BBS9: variants seen among roughly 807,000 people sequenced by gnomAD.
BBS9 encodes the protein Bardet-Biedl syndrome 9, also known as protein PTHB1.
BBS9 carries 89 observed loss-of-function variants against 117.7 expected under a neutral mutation model. The observed-to-expected ratio is 0.76, with a 90% CI of 0.64 to 0.90. The LOEUF is 0.90. Ranked by LOEUF, BBS9 falls within the 40% of genes least tolerant of loss-of-function variation. BBS9 has a pLI of 0.00. For synonymous variants in BBS9, 379 were observed against 370.9 expected (o/e 1.02, Z -0.25); for missense variants, 982 against 1,042.2 (o/e 0.94, Z 0.80).
chr7:33,302,720 C>G (rs1055975984), intron 9 of BBS9, among the ~76,000 whole-genome samples: 2 of 151,932 alleles, frequency 1.3e-5, no homozygotes, highest in Non-Finnish European at 2.9e-5. Context: ...GTGATTCTTT[C>G]AGTTTTGTTC....
chr7:33,378,301 G>A (rs573441858), intron 17 of BBS9, among the ~76,000 whole-genome samples: 40 of 152,290 alleles, frequency 2.6e-4, no homozygotes, highest in East Asian at 7.7e-4. Flanking sequence ...TATCTCCCTA[G>A]CACTTATCAC....
intron 19 of BBS9, among the ~76,000 whole-genome samples, chr7:33,490,439 T>G (rs1843737177): frequency 6.6e-6 from 1 of 152,254 alleles, no homozygotes; most frequent in Non-Finnish European, 1.5e-5. Flanking sequence ...CATGTCCCTT[T>G]TTGTTTAATT....
chr7:33,629,985 TC>T (rs1865808742), intron 21 of BBS9, among the ~76,000 whole-genome samples: 1 of 152,228 alleles, frequency 6.6e-6, no homozygotes, highest in Non-Finnish European at 1.5e-5. Flanking sequence ...AGTTTATATT[TC>T]GAGACCTTTT....
chr7:33,394,310 A>G (rs1027038343), intron 19 of BBS9, among the ~76,000 whole-genome samples: 17 of 152,148 alleles, frequency 1.1e-4, no homozygotes, highest in African/African-American at 3.9e-4. Context: ...ACAGAAAACC[A>G]AATACTAGAT....
In BBS9 at chr7:33,191,442, C is replaced by T. The variant is rs190594377; in HGVS notation, c.442+13851C>T. On this transcript the variant is annotated intron_variant, in intron 5 of 22. Coordinates refer to ENST00000242067, the MANE Select transcript of BBS9 (RefSeq NM_198428.3). Reference sequence around the variant, plus strand: ...AGAGAGTGAAATAGGTGCTGGGTGGCCAAAAAACTGTAAATATCCACCTTG... The same window carrying T: ...AGAGAGTGAAATAGGTGCTGGGTGGTCAAAAAACTGTAAATATCCACCTTG... Among the ~76,000 whole-genome samples, 630 of 152,178 alleles carry T rather than the reference C, an allele frequency of 4.1e-3. 5 individuals carry two copies. The highest frequency in any genetic ancestry group is 0.01 in the Middle Eastern group (3 of 294).
chr7:33,492,688 A>G (rs960909565), intron 19 of BBS9, among the ~76,000 whole-genome samples: 3 of 152,116 alleles, frequency 2.0e-5, no homozygotes, highest in East Asian at 1.9e-4. Flanking sequence ...GGACAAACAA[A>G]GGAATCTGTG....
intron 21 of BBS9, among the ~76,000 whole-genome samples, chr7:33,626,837 G>A (rs1865659426): frequency 6.6e-6 from 1 of 152,220 alleles, no homozygotes; most frequent in African/African-American, 2.4e-5. Context: ...TCATGTGCAT[G>A]AGCAAAGAGA....
chr7:33,407,917 T>G (rs957856098), intron 19 of BBS9, among the ~76,000 whole-genome samples: 1 of 152,160 alleles, frequency 6.6e-6, no homozygotes, highest in Non-Finnish European at 1.5e-5. Context: ...CAGTCTGCCC[T>G]TTCTCAGATC....
chr7:33,568,460 A>T (rs562738574), intron 21 of BBS9, among the ~76,000 whole-genome samples: 1 of 151,994 alleles, frequency 6.6e-6, no homozygotes, highest in East Asian at 1.9e-4. Flanking sequence ...CTGTCTTTTT[A>T]CTCTCACATT....
intron 19 of BBS9, among the ~76,000 whole-genome samples, chr7:33,393,246 G>A (rs889013184): frequency 3.3e-5 from 5 of 152,132 alleles, no homozygotes; most frequent in Admixed American, 1.3e-4. Flanking sequence ...GTTTTTAGGC[G>A]AATAAAACTG....
At chr7:33,621,395 T>A (rs1865398974) in intron 21 of BBS9, among the ~76,000 whole-genome samples, 1 of 152,132 alleles carries the variant, frequency 6.6e-6, no homozygotes, top group South Asian at 2.1e-4. Context: ...TGAATAGACA[T>A]TTCTCAAAAG....
At chr7:33,608,632 T>C (rs1864707887), downstream of BBS9, among the ~76,000 whole-genome samples, 1 of 152,270 alleles carries the variant, frequency 6.6e-6, no homozygotes, top group Admixed American at 6.5e-5. Flanking sequence ...TGGTGATTAT[T>C]GATGTTGAAC....
At chr7:33,268,314 A>G (rs1799162392) in intron 7 of BBS9, among the ~76,000 whole-genome samples, 1 of 152,148 alleles carries the variant, frequency 6.6e-6, no homozygotes, top group Non-Finnish European at 1.5e-5. Context: ...CAGCATTTAT[A>G]TGTAGCTATT....
chr7:33,146,698 CAAA>C lies in BBS9; in HGVS notation c.112+352_112+354del, dbSNP rs36056577. On this transcript the variant is annotated intron_variant, in intron 2 of 22. Transcript: ENST00000242067. ...TGGGCAACAGAGCAAGGCTCCATCT[CAAA>C]AAAAAAAAAAAAAAAAAGAGATAAA... 0.23 allele frequency among the ~76,000 whole-genome samples: 18,397 copies of C among 80,542 alleles called. 1,274 individuals are homozygous for C. Among genetic ancestry groups the C allele is most frequent in the South Asian group, 0.32 (831 of 2,610 alleles). The allele number at this position is 80,542 out of a possible 152,430, so 52.8% of individuals were successfully genotyped here.
intron 5 of BBS9, among the ~76,000 whole-genome samples, chr7:33,183,127 C>A (rs921366200): frequency 1.3e-5 from 2 of 152,192 alleles, no homozygotes; most frequent in Admixed American, 1.3e-4. Flanking sequence ...TTCTAATACC[C>A]CCAAAAGTAA....
rs149042169 is a variant in BBS9 at position 33,367,833 on chromosome 7, G to A, written c.1760G>A (p.Arg587Gln). 454 of 1,613,766 alleles carry A rather than the reference G, an allele frequency of 2.8e-4. 3 individuals are homozygous for A. The East Asian group carries it at 6.2e-3, about 22-fold the overall frequency. ...VMGFHFLGGA[R>Q]ITVLASKTSQ... Reference sequence around the variant, plus strand: ...GGTTTTCACTTCTTAGGAGGTGCTCGAATTACTGTTCTTGCTTCCAAAACT... The same window carrying A: ...GGTTTTCACTTCTTAGGAGGTGCTCAAATTACTGTTCTTGCTTCCAAAACT... Residue 587 changes from arginine (R) to glutamine (Q), a missense_variant, in exon 17 of 23, where the codon CGA becomes CAA. Physicochemically the swap from Arg to Gln is conservative, Grantham distance 43. Coordinates refer to ENST00000242067, the MANE Select transcript of BBS9 (RefSeq NM_198428.3).
At chr7:33,446,206 T>C (rs1170117347) in intron 19 of BBS9, among the ~76,000 whole-genome samples, 1 of 152,160 alleles carries the variant, frequency 6.6e-6, no homozygotes, top group East Asian at 1.9e-4. Context: ...CACAACACTT[T>C]ACAGGTGAGT....
intron 19 of BBS9, among the ~76,000 whole-genome samples, chr7:33,407,723 T>C (rs898260969): frequency 9.2e-5 from 14 of 152,226 alleles, no homozygotes; most frequent in African/African-American, 2.7e-4. Flanking sequence ...TGCCTGGGTA[T>C]CAGCAGCGGT....
intron 3 of BBS9, among the ~76,000 whole-genome samples, chr7:33,153,632 C>T (rs1418118165): frequency 6.6e-6 from 1 of 152,130 alleles, no homozygotes; most frequent in East Asian, 1.9e-4. Flanking sequence ...AATTTATTGG[C>T]CCCAGGGGCC....
Sources: allele counts gnomAD v4.1 joint callset (sites outside exome capture counted in the v4.1 genomes callset), GRCh38; gene constraint gnomAD v4.1.1; transcripts MANE v1.5; gene names NCBI Gene and HGNC (gene_info 2026-07-23, HGNC 2026-07-21).